WIPF1: variants seen among roughly 807,000 people sequenced by gnomAD.
WIPF1 encodes the protein WAS/WASL-interacting protein family member 1.
Under a neutral mutation model 35.4 loss-of-function variants are expected in WIPF1, and 13 were observed. The ratio of observed to expected loss-of-function variants is 0.37; its 90% CI spans 0.24 to 0.58. The LOEUF (loss-of-function observed/expected upper bound fraction) is 0.58. Among genes scored for constraint, WIPF1 ranks in the 20% least tolerant of loss-of-function variants. The probability of loss-of-function intolerance (pLI) is 0.74; values close to 1 mark genes in which losing one functional copy is unlikely to be tolerated. For missense variants in WIPF1, 591 were observed against 667.0 expected (o/e 0.89, Z 1.25); for synonymous variants, 267 against 266.3 (o/e 1.00, Z -0.02).
chr2:174,664,255 G>A (rs1239063275), intron 1 of WIPF1, among the ~76,000 whole-genome samples: 10 of 152,168 alleles, frequency 6.6e-5, no homozygotes, highest in Non-Finnish European at 2.9e-5. Context: ...CCAGAACAGA[G>A]CTTGCTTTTG....
intron 4 of WIPF1, among the ~76,000 whole-genome samples, chr2:174,573,144 A>G (rs912921735): frequency 2.0e-5 from 3 of 152,176 alleles, no homozygotes; most frequent in Non-Finnish European, 4.4e-5. Flanking sequence ...CCTCTGCTTC[A>G]GTATTGGCAG....
Position 174,586,998 on chromosome 2 carries a change from T to C in WIPF1, c.-38-1387A>G, listed in dbSNP as rs538815563. ...TTTAAACTGCAGAATTATATTTCTT[T>C]AAAAAATTTTTTTAAATTTTTTTTT... On this transcript the variant is annotated intron_variant, in intron 1 of 7. Coordinates refer to ENST00000679041, the MANE Select transcript of WIPF1 (RefSeq NM_001375834.1). 9.8e-5 allele frequency among the ~76,000 whole-genome samples: 15 copies of C among 152,334 alleles called. 1 individual carries two copies. The South Asian group carries it at 3.1e-3, about 32-fold the overall frequency.
chr2:174,678,476 T>C (rs1310205926), intron 1 of WIPF1, among the ~76,000 whole-genome samples: 4 of 152,238 alleles, frequency 2.6e-5, no homozygotes, highest in Non-Finnish European at 5.9e-5. Context: ...GCATGCTTCC[T>C]AGGACTCAAA....
At chr2:174,625,569 G>A (rs963694190) in intron 1 of WIPF1, 1 of 152,186 alleles carries the variant, frequency 6.6e-6, no homozygotes, top group Non-Finnish European at 1.5e-5. Flanking sequence ...GCTCATGGGA[G>A]TGCCTGCCTC....
chr2:174,627,561 G>A (rs1339631816), intron 1 of WIPF1, among the ~76,000 whole-genome samples: 1 of 77,568 alleles, frequency 1.3e-5, no homozygotes, highest in Non-Finnish European at 2.4e-5. Flanking sequence ...TTTTTTTTTT[G>A]AGACAGTCTT....
chr2:174,648,040 C>A (rs1687454431), intron 1 of WIPF1, among the ~76,000 whole-genome samples: 1 of 152,166 alleles, frequency 6.6e-6, no homozygotes, highest in East Asian at 1.9e-4. Flanking sequence ...TCAAATCCAA[C>A]CGTGTGTTAG....
rs1374832095 is a variant in WIPF1, at chr2:174,578,531, A to G, written c.181+2779T>C. On this transcript the variant is annotated intron_variant, in intron 3 of 7. Coordinates refer to ENST00000679041, the MANE Select transcript of WIPF1 (RefSeq NM_001375834.1). ...CTGAATAAATATATGCTTTTCTTAGAAAAGTACTTTCTTTAATATCTTAAA... is the reference window on the plus strand; with the variant it reads ...CTGAATAAATATATGCTTTTCTTAGGAAAGTACTTTCTTTAATATCTTAAA... 2.6e-5 allele frequency among the ~76,000 whole-genome samples: 4 copies of G among 152,212 alleles called. No homozygotes were observed. The East Asian group carries it at 7.7e-4, about 29-fold the overall frequency.
At position 174,680,528 on chromosome 2, in the gene WIPF1, G is replaced by A. The variant is rs115328103; in HGVS notation, c.-39+2246C>T. 4.9e-3 allele frequency among the ~76,000 whole-genome samples: 742 copies of A among 152,244 alleles called. 4 individuals are homozygous for A. The highest frequency in any genetic ancestry group is 0.017 in the Middle Eastern group (5 of 294). ...AGATGCTTAAAAGTGAAGGGGTTAT[G>A]GCAACAAATAAAAGGCACTTTTGTT... On this transcript the variant is annotated intron_variant, in intron 1 of 8. Transcript: ENST00000272746.
At position 174,622,913 on chromosome 2, in the gene WIPF1, A is replaced by T. The variant is rs929153821; in HGVS notation, c.-38-37302T>A. ...ACACCTACCATAATGCCCTCCTAAG[A>T]GGTGTTCTATTTGTTGTTGTTAACA... On this transcript the variant is annotated intron_variant, in intron 1 of 8. Coordinates refer to the WIPF1 transcript ENST00000272746. The surrounding 1 kb of genome is among the most constrained non-coding windows in gnomAD (Gnocchi z 5.1). Among the ~76,000 whole-genome samples, 7 of 152,142 alleles carry T rather than the reference A, an allele frequency of 4.6e-5. No homozygotes were observed. Among genetic ancestry groups the T allele is most frequent in the Admixed American group, 2.0e-4 (3 of 15,268 alleles).
chr2:174,588,097 C>T (rs982692630), intron 1 of WIPF1, among the ~76,000 whole-genome samples: 1 of 152,142 alleles, frequency 6.6e-6, no homozygotes, highest in African/African-American at 2.4e-5. Context: ...TCAGACGTCT[C>T]CTAGGACCAG....
intron 1 of WIPF1, among the ~76,000 whole-genome samples, chr2:174,675,815 C>G (rs1386797828): frequency 3.4e-5 from 4 of 116,112 alleles, no homozygotes; most frequent in African/African-American, 6.8e-5. Flanking sequence ...CTTGTTTCCT[C>G]TGTGTGTGGG....
intron 7 of WIPF1, among the ~76,000 whole-genome samples, chr2:174,564,105 C>A (rs1684568277): frequency 6.6e-6 from 1 of 152,116 alleles, no homozygotes; most frequent in Non-Finnish European, 1.5e-5. Context: ...CAAGTGCATT[C>A]GGTACTGCTC....
intron 1 of WIPF1, among the ~76,000 whole-genome samples, chr2:174,670,791 T>C (rs1207161864): frequency 6.6e-6 from 1 of 152,232 alleles, no homozygotes; most frequent in Non-Finnish European, 1.5e-5. Context: ...ATGCCCCGCA[T>C]TAAGTATTTG....
At chr2:174,628,803 C>T (rs141816237) in intron 1 of WIPF1, among the ~76,000 whole-genome samples, 183 of 152,338 alleles carry the variant, frequency 1.2e-3, no homozygotes, top group African/African-American at 4.3e-3. Flanking sequence ...ATCACCTAAT[C>T]TCTCTGGGCC....
At chr2:174,609,744 G>A (rs1334474582) in intron 1 of WIPF1, among the ~76,000 whole-genome samples, 1 of 152,156 alleles carries the variant, frequency 6.6e-6, no homozygotes, top group African/African-American at 2.4e-5. Context: ...GGGGTCAGTC[G>A]GGGCTGGGAG....
At chr2:174,648,400 A>C (rs1445727533) in intron 1 of WIPF1, among the ~76,000 whole-genome samples, 1 of 152,240 alleles carries the variant, frequency 6.6e-6, no homozygotes, top group Non-Finnish European at 1.5e-5. Context: ...CTGCATACAG[A>C]AATGATCAGC....
intron 1 of WIPF1, among the ~76,000 whole-genome samples, chr2:174,608,510 T>C (rs1252833354): frequency 6.6e-6 from 1 of 152,232 alleles, no homozygotes; most frequent in East Asian, 1.9e-4. Context: ...TTTTTCTTTT[T>C]TTTTTCTAAG....
intron 1 of WIPF1, among the ~76,000 whole-genome samples, chr2:174,640,511 T>TA (rs375908593): frequency 2.1e-4 from 31 of 145,910 alleles, no homozygotes; most frequent in Non-Finnish European, 3.0e-4. Context: ...AAAATAAAAT[T>TA]AAAAAAAAAA....
intron 1 of WIPF1, among the ~76,000 whole-genome samples, chr2:174,668,860 C>T (rs1687948485): frequency 6.6e-6 from 1 of 152,200 alleles, no homozygotes; most frequent in South Asian, 2.1e-4. Flanking sequence ...TATCCTTGAC[C>T]AAAGAGGCAG....
Sources: gnomAD v4.1 joint callset for allele counts (sites outside exome capture counted in the v4.1 genomes callset) on GRCh38, gnomAD v4.1.1 for gene constraint, Gnocchi (gnomAD v3.1) non-coding constraint, MANE v1.5 for transcripts, NCBI Gene and HGNC (gene_info 2026-07-23, HGNC 2026-07-21) for gene names.